SYT9: variants seen among roughly 807,000 people sequenced by gnomAD.
SYT9 encodes the protein synaptotagmin-9.
A neutral mutation model predicts 48.4 loss-of-function variants in SYT9; 22 were observed. That is an observed-to-expected ratio of 0.45 (90% confidence interval 0.32 to 0.65). The LOEUF is 0.65. Ranked by LOEUF, SYT9 falls within the 30% of genes least tolerant of loss-of-function variation. The pLI is 0.03. For synonymous variants in SYT9, 265 were observed against 245.0 expected, an observed-to-expected ratio of 1.08 and a Z score of -0.76; for missense variants, 577 against 622.0, an observed-to-expected ratio of 0.93 and a Z score of 0.77.
intron 5 of SYT9, among the ~76,000 whole-genome samples, chr11:7,419,592 A>G (rs189711469): frequency 2.6e-5 from 4 of 152,172 alleles, no homozygotes; most frequent in African/African-American, 7.2e-5. Context: ...CTACCTAGGG[A>G]GAGTTTCAGA....
At chr11:7,453,894 G>A in intron 6 of SYT9, 1 of 656,656 alleles carries the variant, frequency 1.5e-6, no homozygotes, top group Middle Eastern at 7.8e-4. Context: ...AGAGGGCATG[G>A]CCCCTAAGTT....
At chr11:7,352,060 C>T (rs985087379) in intron 3 of SYT9, among the ~76,000 whole-genome samples, 4 of 152,124 alleles carry the variant, frequency 2.6e-5, no homozygotes, top group African/African-American at 9.7e-5. Context: ...AATTGTGTGG[C>T]TATTTAGTCA....
At chr11:7,300,953 A>T (rs570971441) in intron 1 of SYT9, among the ~76,000 whole-genome samples, 5 of 152,014 alleles carry the variant, frequency 3.3e-5, no homozygotes, top group African/African-American at 1.2e-4. Context: ...TCCACTCCCT[A>T]TCCCCCATCC....
chr11:7,430,839 G>A (rs80072167), intron 6 of SYT9, among the ~76,000 whole-genome samples: 3,969 of 152,246 alleles, frequency 0.026, 193 homozygotes, highest in African/African-American at 0.091. Context: ...GCAGATGTCA[G>A]TACCATGCTT....
chr11:7,446,199 T>G (rs1415772860), intron 6 of SYT9, among the ~76,000 whole-genome samples: 1 of 152,262 alleles, frequency 6.6e-6, no homozygotes, highest in Non-Finnish European at 1.5e-5. Flanking sequence ...GCTGAAATCA[T>G]GGAGCTGGAA....
chr11:7,314,892 A>G (rs1170326063), intron 3 of SYT9, among the ~76,000 whole-genome samples: 1 of 152,214 alleles, frequency 6.6e-6, no homozygotes, highest in Non-Finnish European at 1.5e-5. Context: ...TCAGACACTG[A>G]TTCAGCTTGA....
At chr11:7,462,125 C>A (rs1463584962) in intron 6 of SYT9, among the ~76,000 whole-genome samples, 1 of 152,200 alleles carries the variant, frequency 6.6e-6, no homozygotes, top group East Asian at 1.9e-4. Flanking sequence ...CAATAATTTA[C>A]CATTCTGGGC....
intron 1 of SYT9, among the ~76,000 whole-genome samples, chr11:7,277,572 C>T (rs1848420787): frequency 6.6e-6 from 1 of 152,116 alleles, no homozygotes; most frequent in Non-Finnish European, 1.5e-5. Flanking sequence ...GAAAAGGGCA[C>T]TTTTTCAGCA....
At chr11:7,257,842 G>A (rs1848003079) in intron 1 of SYT9, among the ~76,000 whole-genome samples, 1 of 152,038 alleles carries the variant, frequency 6.6e-6, no homozygotes, top group Admixed American at 6.6e-5. Flanking sequence ...CATCTCTGCG[G>A]GACTCCTCTA....
chr11:7,251,449 T>C (rs1315374300), upstream of SYT9, among the ~76,000 whole-genome samples: 2 of 152,160 alleles, frequency 1.3e-5, no homozygotes, highest in Non-Finnish European at 1.5e-5. Flanking sequence ...TGGGAAATCC[T>C]TCCTTTGTTG....
intron 3 of SYT9, among the ~76,000 whole-genome samples, chr11:7,372,445 T>C (rs1589979650): frequency 6.6e-6 from 1 of 152,292 alleles, no homozygotes; most frequent in South Asian, 2.1e-4. Context: ...CCAGAGTAGC[T>C]GGAACTACAG....
intron 6 of SYT9, among the ~76,000 whole-genome samples, chr11:7,430,202 G>T (rs1847543756): frequency 6.6e-6 from 1 of 152,040 alleles, no homozygotes; most frequent in Non-Finnish European, 1.5e-5. Flanking sequence ...TCAGTCATTG[G>T]TGGTAGAATT....
chr11:7,281,724 A>T (rs1164940752), intron 1 of SYT9, among the ~76,000 whole-genome samples: 4 of 152,264 alleles, frequency 2.6e-5, no homozygotes, highest in African/African-American at 9.6e-5. Flanking sequence ...GTAAATTCTT[A>T]TTAAAAACAG....
At chr11:7,404,095 T>A (rs1245265292) in intron 3 of SYT9, among the ~76,000 whole-genome samples, 3 of 152,206 alleles carry the variant, frequency 2.0e-5, no homozygotes, top group African/African-American at 7.2e-5. Context: ...ACTCCAGATA[T>A]ATTTTTATTA....
At chr11:7,408,110 T>G (rs371396515) in intron 3 of SYT9, among the ~76,000 whole-genome samples, 1 of 152,168 alleles carries the variant, frequency 6.6e-6, no homozygotes, top group Middle Eastern at 3.4e-3. Flanking sequence ...TATAGTTGCT[T>G]TAGGTAGTAT....
intron 6 of SYT9, among the ~76,000 whole-genome samples, chr11:7,464,532 C>G (rs771719485): frequency 6.6e-6 from 1 of 152,110 alleles, no homozygotes; most frequent in Admixed American, 6.5e-5. Context: ...AAGAACCCCA[C>G]GGGGTCTTTT....
intron 3 of SYT9, among the ~76,000 whole-genome samples, chr11:7,331,448 T>C (rs1030174814): frequency 6.6e-5 from 10 of 151,982 alleles, no homozygotes; most frequent in African/African-American, 2.4e-4. Context: ...CTACCTATAA[T>C]AACCTTACTT....
chr11:7,257,111 T>C (rs1038337493), intron 1 of SYT9, among the ~76,000 whole-genome samples: 3 of 152,174 alleles, frequency 2.0e-5, no homozygotes, highest in Non-Finnish European at 4.4e-5. Context: ...CATCTATTGA[T>C]TCTAATGTGC....
intron 1 of SYT9, among the ~76,000 whole-genome samples, chr11:7,255,942 C>T (rs1389459525): frequency 6.6e-6 from 1 of 152,100 alleles, no homozygotes; most frequent in East Asian, 1.9e-4. Context: ...GGTTATAGAA[C>T]AGTATGTATT....
Sources: gnomAD v4.1 joint callset for allele counts (sites outside exome capture counted in the v4.1 genomes callset) on GRCh38, gnomAD v4.1.1 for gene constraint, MANE v1.5 for transcripts, NCBI Gene and HGNC (gene_info 2026-07-23, HGNC 2026-07-21) for gene names.